PPL: variants seen among roughly 807,000 people sequenced by gnomAD.
PPL encodes the protein periplakin.
Under a neutral mutation model 194.4 loss-of-function variants are expected in PPL, and 198 were observed. The ratio of observed to expected loss-of-function variants is 1.02; its 90% CI spans 0.91 to 1.15. The LOEUF (loss-of-function observed/expected upper bound fraction) is 1.15, where lower values mean the gene tolerates loss of function less well. Among genes scored for constraint, PPL ranks in the 50% most tolerant of loss-of-function variants. The pLI, the probability that PPL is intolerant of heterozygous loss-of-function variation, is 0.00. For synonymous variants in PPL, 1,220 were observed against 972.4 expected, an observed-to-expected ratio of 1.25 and a Z score of -4.74; for missense variants, 2,885 against 2,294.8, an observed-to-expected ratio of 1.26 and a Z score of -5.25.
Position 4,937,088 on chromosome 16 carries a change from C to T in PPL, c.-43G>A. 3 of 1,242,472 alleles carry T rather than the reference C, an allele frequency of 2.4e-6. No individual in the cohort carries two copies. The highest frequency in any genetic ancestry group is 3.5e-5 in the East Asian group (1 of 28,874). 77.0% of individuals were successfully genotyped at this position (1,242,472 alleles called of 1,614,324 possible). On this transcript the variant is annotated 5_prime_UTR_variant, in exon 1 of 22. Coordinates refer to ENST00000345988, the MANE Select transcript of PPL (RefSeq NM_002705.5). Reference sequence around the variant, plus strand: ...GGGCGGCGGCGGCTGGCGGGCCGGGCGCGCACCGAGGGGCGGGCGGGAGCG... The same window carrying T: ...GGGCGGCGGCGGCTGGCGGGCCGGGTGCGCACCGAGGGGCGGGCGGGAGCG...
At position 4,910,926 on chromosome 16, in the gene PPL, TC is replaced by T; in HGVS notation, c.85del (p.Glu29SerfsTer2). 1 of 1,613,140 alleles carries T rather than the reference TC, an allele frequency of 6.2e-7. No homozygotes were observed. The highest frequency in any genetic ancestry group is 8.5e-7 in the Non-Finnish European group (1 of 1,179,968). Reference sequence around the variant, plus strand: ...ATTCTTCTGCAGCTGCTCGATCAGCTCCGAGAGCTCCTTGTTAGAGATGCTG... The same window carrying T: ...ATTCTTCTGCAGCTGCTCGATCAGCTCGAGAGCTCCTTGTTAGAGATGCTG... Reference protein sequence around the residue: ...TRSISNKELSELIEQLQKNAD... With the variant: ...TRSISNKELSXLIEQLQKNAD... On this transcript the variant is annotated frameshift_variant, in exon 2 of 22. Transcript: ENST00000345988. LOFTEE classifies it high-confidence loss of function.
intron 1 of PPL, among the ~76,000 whole-genome samples, chr16:4,925,237 G>A (rs1331022682): frequency 6.6e-6 from 1 of 152,228 alleles, no homozygotes; most frequent in East Asian, 1.9e-4. Flanking sequence ...CTGCCTGCCT[G>A]GAGGGCCAGC....
chr16:4,929,492 C>T (rs2142426913), intron 1 of PPL, among the ~76,000 whole-genome samples: 1 of 152,314 alleles, frequency 6.6e-6, no homozygotes, highest in South Asian at 2.1e-4. Context: ...TCGTGATCTA[C>T]TCAGACATGC....
At chr16:4,911,353 G>C (rs1239430917) in intron 1 of PPL, among the ~76,000 whole-genome samples, 4 of 151,958 alleles carry the variant, frequency 2.6e-5, no homozygotes, top group Non-Finnish European at 5.9e-5. Context: ...GTGGAGATGG[G>C]GTTCCACCAT....
At position 4,884,324 on chromosome 16, in the gene PPL, G is replaced by C; in HGVS notation, c.4331C>G (p.Thr1444Arg). The C allele has an allele frequency of 2.5e-6, 4 of 1,613,122 alleles. No homozygotes were observed. Among genetic ancestry groups the C allele is most frequent in the Non-Finnish European group, 3.4e-6 (4 of 1,179,812 alleles). The change falls in exon 22 of 22, where the codon ACG becomes AGG. Residue 1444 changes from threonine to arginine, a missense_variant. Physicochemically the swap from Thr to Arg is moderately conservative, Grantham distance 71 (BLOSUM62 -1). Coordinates refer to ENST00000345988, the MANE Select transcript of PPL (RefSeq NM_002705.5). The surrounding 1 kb of genome is among the most constrained non-coding windows in gnomAD (Gnocchi z 5.7). ...EAEAREKVTH[T>R]QKVVLQQDPQ... ...GTCCTGCTGCAGCACCACCTTCTGC[G>C]TATGGGTTACCTTCTCACGGGCCTC...
At chr16:4,892,451 AGCTGCCGGGCCTGTGCTGTCCTC>A (rs1272915874) in intron 14 of PPL, among the ~76,000 whole-genome samples, 7 of 152,234 alleles carry the variant, frequency 4.6e-5, no homozygotes, top group Admixed American at 1.3e-4. Flanking sequence ...GCACCCAGGC[AGCTGCCGGGCCTGTGCTGTCCTC>A]AGCACTGCAC....
intron 1 of PPL, among the ~76,000 whole-genome samples, chr16:4,936,722 A>T (rs72633280): frequency 0.14 from 22,046 of 152,052 alleles, 2,115 homozygotes; most frequent in East Asian, 0.4. Context: ...TAGGCCCTCA[A>T]GGCAATGCTC....
chr16:4,895,692 G>C lies in PPL; in HGVS notation c.997C>G (p.Gln333Glu), dbSNP rs1383731432. The C allele has an allele frequency of 3.7e-6, 6 of 1,613,850 alleles. No homozygotes were observed. The highest frequency in any genetic ancestry group is 1.3e-5 in the African/African-American group (1 of 74,934). The change falls in exon 10 of 22, where the codon CAG becomes GAG. Residue 333 changes from glutamine to glutamate, a missense_variant. Physicochemically the swap from Gln to Glu is conservative, Grantham distance 29. Coordinates refer to ENST00000345988, the MANE Select transcript of PPL (RefSeq NM_002705.5). ...HQFHEDVKDA[Q>E]ELLRKVDSDL... ...GAGTCCACCTTGCGCAGCAGCTCCTGAGCGTCCTTCACGTCTTCGTGAAAC... is the reference window on the plus strand; with the variant it reads ...GAGTCCACCTTGCGCAGCAGCTCCTCAGCGTCCTTCACGTCTTCGTGAAAC...
At position 4,910,910 on chromosome 16, in the gene PPL, C is replaced by T. The variant is rs1209535220; in HGVS notation, c.102G>A (p.Leu34=). 1 of 1,613,702 alleles carries T rather than the reference C, an allele frequency of 6.2e-7. No homozygotes were observed. Among genetic ancestry groups the T allele is most frequent in the Non-Finnish European group, 8.5e-7 (1 of 1,180,016 alleles). ...TCTCCACCTGGTCGGCATTCTTCTG[C>T]AGCTGCTCGATCAGCTCCGAGAGCT... ...NKELSELIEQ[L]QKNADQVEKN... The change falls in exon 2 of 22, where the codon CTG becomes CTA. Residue 34 remains leucine, a synonymous_variant. Coordinates refer to ENST00000345988, the MANE Select transcript of PPL (RefSeq NM_002705.5).
chr16:4,884,660 T>A lies in PPL; in HGVS notation c.3995A>T (p.Gln1332Leu), dbSNP rs751372617. The A allele has an allele frequency of 5.6e-6, 9 of 1,614,012 alleles. No individual in the cohort carries two copies. Among genetic ancestry groups the A allele is most frequent in the Non-Finnish European group, 7.6e-6 (9 of 1,180,026 alleles). Reference protein sequence around the residue: ...QVDLERERASQEEQIARKEEE... With the variant: ...QVDLERERASLEEQIARKEEE... Reference sequence around the variant, plus strand: ...CTCTTTCCGGGCGATCTGCTCTTCCTGGGAAGCTCTTTCCCTCTCCAGATC... The same window carrying A: ...CTCTTTCCGGGCGATCTGCTCTTCCAGGGAAGCTCTTTCCCTCTCCAGATC... Residue 1332 changes from glutamine to leucine, a missense_variant, in exon 22 of 22, where the codon CAG becomes CTG. Physicochemically the swap from Gln to Leu is moderately radical, Grantham distance 113 (BLOSUM62 -2). Transcript: ENST00000345988. The surrounding 1 kb of genome is among the most constrained non-coding windows in gnomAD (Gnocchi z 5.7).
intron 11 of PPL, 103 bp from the exon 12 acceptor site, chr16:4,894,721 C>A: frequency 1.5e-6 from 2 of 1,372,056 alleles, no homozygotes; most frequent in Middle Eastern, 2.6e-4. Context: ...GGAGCCCCGG[C>A]TCATCACTTG....
At chr16:4,889,241 G>GTTTTTT (rs869094472) in intron 18 of PPL, among the ~76,000 whole-genome samples, 180 bp from the exon 19 acceptor site, 9 of 66,628 alleles carry the variant, frequency 1.4e-4, no homozygotes, top group African/African-American at 5.3e-4. Context: ...TGTTGTTGTT[G>GTTTTTT]TTTTTTTTTT....
At chr16:4,910,228 C>T (rs895466543) in intron 2 of PPL, among the ~76,000 whole-genome samples, 25 of 152,194 alleles carry the variant, frequency 1.6e-4, no homozygotes, top group Non-Finnish European at 3.4e-4. Flanking sequence ...TTTTATCTCT[C>T]TTCTCCAAAA....
In PPL at chr16:4,910,967, G is replaced by C. The variant is rs2088808662; in HGVS notation, c.63-18C>G. 2 of 1,604,104 alleles carry C rather than the reference G, an allele frequency of 1.2e-6. No individual in the cohort carries two copies. The highest frequency in any genetic ancestry group is 4.5e-5 in the East Asian group (2 of 44,792). ...TAGAGATGCTGCGGGCAGAAGCCGAGGGGAGATGGGCGGGGTGCCTGGTGG... is the reference window on the plus strand; with the variant it reads ...TAGAGATGCTGCGGGCAGAAGCCGACGGGAGATGGGCGGGGTGCCTGGTGG... On this transcript the variant is annotated intron_variant, in intron 1 of 21. Coordinates refer to ENST00000345988, the MANE Select transcript of PPL (RefSeq NM_002705.5).
At chr16:4,897,650 G>T in intron 9 of PPL, 25 bp downstream of exon 9, 1 of 1,592,022 alleles carries the variant, frequency 6.3e-7, no homozygotes, top group Non-Finnish European at 8.6e-7. Flanking sequence ...CCGGTGCTGG[G>T]GGGACTCCCA....
At chr16:4,922,401 C>T (rs1190592780) in intron 1 of PPL, among the ~76,000 whole-genome samples, 3 of 152,190 alleles carry the variant, frequency 2.0e-5, no homozygotes, top group African/African-American at 7.2e-5. Flanking sequence ...GTGGCTCATG[C>T]CTGTAATCCC....
chr16:4,891,788 C>T (rs1408223605), intron 16 of PPL, 23 bp downstream of exon 16: 3 of 1,591,582 alleles, frequency 1.9e-6, no homozygotes, highest in Admixed American at 3.5e-5. Context: ...GAAGGACTCC[C>T]AGGACTTGGG....
chr16:4,891,085 C>T (rs572277922), intron 16 of PPL, among the ~76,000 whole-genome samples, 164 bp from the exon 17 acceptor site: 1 of 152,246 alleles, frequency 6.6e-6, no homozygotes, highest in Non-Finnish European at 1.5e-5. Flanking sequence ...TGGGTCACTT[C>T]TGCCATCTTC....
At position 4,916,432 on chromosome 16, in the gene PPL, G is replaced by T. The variant is rs1347124180; in HGVS notation, c.63-5483C>A. The stretch of plus-strand genomic sequence containing the variant: ...TTGCCATGTTGGCCAGGCTGGTCTC[G>T]AACTCCTGACCTCAGGTGATGCACT... On this transcript the variant is annotated intron_variant, in intron 1 of 21. Transcript: ENST00000345988. 1.2e-4 allele frequency among the ~76,000 whole-genome samples: 18 copies of T among 151,986 alleles called. No individual in the cohort carries two copies. The South Asian group carries it at 2.7e-3, about 23-fold the overall frequency.
Sources: gnomAD v4.1 joint callset for allele counts (sites outside exome capture counted in the v4.1 genomes callset) on GRCh38, gnomAD v4.1.1 for gene constraint, Gnocchi (gnomAD v3.1) non-coding constraint, MANE v1.5 for transcripts, NCBI Gene and HGNC (gene_info 2026-07-23, HGNC 2026-07-21) for gene names.